OXSR1: variants seen among roughly 807,000 people sequenced by gnomAD.
OXSR1 encodes the protein oxidative stress responsive kinase 1, also known as serine/threonine-protein kinase OSR1.
Under a neutral mutation model 79.8 loss-of-function variants are expected in OXSR1, and 24 were observed. That is an observed-to-expected ratio of 0.30 (90% CI 0.22 to 0.42). OXSR1 has a LOEUF of 0.42. Ranked by LOEUF, OXSR1 falls within the 10% of genes least tolerant of loss-of-function variation. OXSR1 has a pLI of 1.00. For synonymous variants in OXSR1, 226 were observed against 209.2 expected, an observed-to-expected ratio of 1.08 and a Z score of -0.69; for missense variants, 430 against 618.4, an observed-to-expected ratio of 0.70 and a Z score of 3.23.
At chr3:38,234,653 T>C (rs1702882036) in intron 10 of OXSR1, among the ~76,000 whole-genome samples, 1 of 152,208 alleles carries the variant, frequency 6.6e-6, no homozygotes, top group Admixed American at 6.5e-5. Context: ...GAATGTGAAA[T>C]GGTGCAGCCA....
At chr3:38,214,790 G>T (rs1417849012) in intron 4 of OXSR1, among the ~76,000 whole-genome samples, 1 of 152,204 alleles carries the variant, frequency 6.6e-6, no homozygotes, top group African/African-American at 2.4e-5. Flanking sequence ...ATTGTATACT[G>T]TAGTATGATG....
chr3:38,203,305 C>G (rs1039943080), intron 4 of OXSR1, among the ~76,000 whole-genome samples: 1 of 152,194 alleles, frequency 6.6e-6, no homozygotes, highest in Non-Finnish European at 1.5e-5. Flanking sequence ...ACCCTGCCCC[C>G]CTTGTCTTGT....
At chr3:38,234,984 A>C (rs1233622429) in intron 10 of OXSR1, among the ~76,000 whole-genome samples, 1 of 152,224 alleles carries the variant, frequency 6.6e-6, no homozygotes, top group Non-Finnish European at 1.5e-5. Context: ...AGCCCATCAC[A>C]AAAGACCACA....
At chr3:38,244,666 T>TGTGTGTGTGTGTGTGTGCGCGC (rs748851263) in intron 12 of OXSR1, among the ~76,000 whole-genome samples, 50 of 143,954 alleles carry the variant, frequency 3.5e-4, no homozygotes, top group Non-Finnish European at 5.1e-4. Flanking sequence ...TGTGTGTGTG[T>TGTGTGTGTGTGTGTGTGCGCGC]GCGTGCGCAT....
intron 8 of OXSR1, among the ~76,000 whole-genome samples, chr3:38,228,744 T>C (rs534519024): frequency 6.6e-6 from 1 of 152,290 alleles, no homozygotes; most frequent in Non-Finnish European, 1.5e-5. Context: ...CTAATTTTTG[T>C]GGTTTTTTTA....
At chr3:38,252,659 C>G (rs1205052282) in intron 17 of OXSR1, among the ~76,000 whole-genome samples, 158 bp from the exon 18 acceptor site, 1 of 152,164 alleles carries the variant, frequency 6.6e-6, no homozygotes, top group Non-Finnish European at 1.5e-5. Flanking sequence ...TACCCAGCCC[C>G]CCTCTTTTCT....
At chr3:38,227,629 G>A (rs571568361) in intron 8 of OXSR1, among the ~76,000 whole-genome samples, 2 of 151,738 alleles carry the variant, frequency 1.3e-5, no homozygotes, top group South Asian at 2.1e-4. Flanking sequence ...GGAAAGACTA[G>A]AGAGAGTATA....
In OXSR1 at chr3:38,169,609, G is replaced by GT. The variant is rs1007606807; in HGVS notation, c.70+3673dup. Among the ~76,000 whole-genome samples the GT allele has an allele frequency of 3.6e-3, 514 of 140,872 alleles. 3 individuals carry two copies. Among genetic ancestry groups the GT allele is most frequent in the African/African-American group, 9.3e-3 (358 of 38,346 alleles). 92.4% of individuals were successfully genotyped at this position (140,872 alleles called of 152,430 possible). A position where few individuals can be genotyped will look rare whatever the true frequency, so the allele number is the denominator to read the frequency against. ...GGTGAGCCACTGCGCCTGGCTGTTC[G>GT]TTTTTTTTTTGAGTTATAGAAGTGT... On this transcript the variant is annotated intron_variant, in intron 1 of 17. Coordinates refer to ENST00000311806, the MANE Select transcript of OXSR1 (RefSeq NM_005109.3).
intron 4 of OXSR1, among the ~76,000 whole-genome samples, chr3:38,203,500 C>T (rs1575332688): frequency 1.3e-5 from 2 of 152,178 alleles, no homozygotes; most frequent in African/African-American, 4.8e-5. Flanking sequence ...CTGGACCCTA[C>T]ACCTGGTTAA....
Position 38,183,113 on chromosome 3 carries a change from C to T in OXSR1, c.181C>T (p.Leu61=). 2.0e-6 allele frequency: 3 copies of T among 1,512,582 alleles called. No individual in the cohort carries two copies. The highest frequency in any genetic ancestry group is 1.8e-6 in the Non-Finnish European group (2 of 1,089,546). 93.7% of individuals were successfully genotyped at this position (1,512,582 alleles called of 1,614,324 possible). A position where few individuals can be genotyped will look rare whatever the true frequency, so the allele number is the denominator to read the frequency against. ...ATGTCAAACTAGCATGGATGAACTCCTGGTATGCACATCTTATACTTCTGA... is the reference window on the plus strand; with the variant it reads ...ATGTCAAACTAGCATGGATGAACTCTTGGTATGCACATCTTATACTTCTGA... The part of the protein sequence containing the change: ...EKCQTSMDEL[L]KEIQAMSQCH... Residue 61 remains leucine (L), a splice_region_variant and synonymous_variant, in exon 2 of 18, where the codon CTG becomes TTG. Coordinates refer to ENST00000311806, the MANE Select transcript of OXSR1 (RefSeq NM_005109.3).
At chr3:38,241,093 G>T (rs1703023734) in intron 11 of OXSR1, among the ~76,000 whole-genome samples, 1 of 151,960 alleles carries the variant, frequency 6.6e-6, no homozygotes, top group Non-Finnish European at 1.5e-5. Context: ...TTCACCACAA[G>T]GGAAAAAAAT....
At chr3:38,193,547 C>A in intron 3 of OXSR1, 1 of 458,736 alleles carries the variant, frequency 2.2e-6, no homozygotes. Context: ...AATAAATTGT[C>A]TGCTTAATTC....
In OXSR1 at chr3:38,209,866, C is replaced by T. The variant is rs138137299; in HGVS notation, c.435-6230C>T. ...CTCAATCTCCTGACCTCGTGATCCA[C>T]CCGCCTCAGCCTCCCAAAGTGCTGG... On this transcript the variant is annotated intron_variant, in intron 4 of 17. Coordinates refer to ENST00000311806, the MANE Select transcript of OXSR1 (RefSeq NM_005109.3). Among the ~76,000 whole-genome samples the T allele has an allele frequency of 3.0e-3, 449 of 152,186 alleles. 1 individual carries two copies. Among genetic ancestry groups the T allele is most frequent in the African/African-American group, 0.01 (429 of 41,534 alleles).
At chr3:38,194,910 G>C (rs772404775) in intron 3 of OXSR1, among the ~76,000 whole-genome samples, 1 of 152,126 alleles carries the variant, frequency 6.6e-6, no homozygotes, top group Non-Finnish European at 1.5e-5. Flanking sequence ...AATTTAATAA[G>C]GTAATTAAAT....
chr3:38,204,265 GAAAT>G (rs1702226120), intron 4 of OXSR1, among the ~76,000 whole-genome samples: 1 of 152,188 alleles, frequency 6.6e-6, no homozygotes, highest in African/African-American at 2.4e-5. Context: ...GGCACGTCCA[GAAAT>G]GCCATCCAAG....
chr3:38,208,338 C>G (rs895890456), intron 4 of OXSR1, among the ~76,000 whole-genome samples: 3 of 152,132 alleles, frequency 2.0e-5, no homozygotes, highest in Admixed American at 2.0e-4. Context: ...TATTGGGACA[C>G]AACTCCATTG....
At chr3:38,252,197 A>G (rs758996979) in intron 16 of OXSR1, 131 bp from the exon 17 acceptor site, 2 of 702,610 alleles carry the variant, frequency 2.8e-6, no homozygotes. Context: ...GGGAGTGATT[A>G]TTTGATCTGT....
chr3:38,251,449 C>G lies in OXSR1; in HGVS notation c.1422C>G (p.Val474=), dbSNP rs758209525. ...VSQELISAGL[V]DGRDLVIVAA... ...AGGAACTCATTTCTGCTGGCCTGGT[C>G]GACGGAAGGGATTTAGTAATAGGTA... Residue 474 remains valine, a synonymous_variant, in exon 16 of 18, where the codon GTC becomes GTG. Transcript: ENST00000311806. 2.9e-5 allele frequency: 47 copies of G among 1,613,052 alleles called. No individual in the cohort carries two copies. The highest frequency in any genetic ancestry group is 3.8e-5 in the Non-Finnish European group (45 of 1,179,240).
At position 38,185,029 on chromosome 3, in the gene OXSR1, C is replaced by T. The variant is rs139878149; in HGVS notation, c.183+1914C>T. Reference sequence around the variant, plus strand: ...CGCGATCTCGGCTCACTCTGACCTCCGCCTCCCAGGTTCAAGCAATTCTCC... The same window carrying T: ...CGCGATCTCGGCTCACTCTGACCTCTGCCTCCCAGGTTCAAGCAATTCTCC... On this transcript the variant is annotated intron_variant, in intron 2 of 17. Coordinates refer to ENST00000311806, the MANE Select transcript of OXSR1 (RefSeq NM_005109.3). 9.7e-3 allele frequency among the ~76,000 whole-genome samples: 1,393 copies of T among 143,148 alleles called. 18 individuals carry two copies. Among genetic ancestry groups the T allele is most frequent in the African/African-American group, 0.033 (1,290 of 38,752 alleles). The allele number at this position is 143,148 out of a possible 152,430, so 93.9% of individuals were successfully genotyped here. A position where few individuals can be genotyped will look rare whatever the true frequency, so the allele number is the denominator to read the frequency against.
Sources: gnomAD v4.1 joint callset for allele counts (sites outside exome capture counted in the v4.1 genomes callset) on GRCh38, gnomAD v4.1.1 for gene constraint, MANE v1.5 for transcripts, NCBI Gene and HGNC (gene_info 2026-07-23, HGNC 2026-07-21) for gene names.